Variants in NAV3 observed in about 807,000 individuals in gnomAD.
NAV3 encodes pore membrane and/or filament interacting like protein 1.
Under a neutral mutation model 244.7 loss-of-function variants are expected in NAV3, and 87 were observed. The observed-to-expected ratio is 0.36, with a 90% confidence interval of 0.30 to 0.42. NAV3 has a LOEUF of 0.42. Among genes scored for constraint, NAV3 ranks in the 20% least tolerant of loss-of-function variants. The pLI is 1.00. For synonymous variants in NAV3, 1,126 were observed against 1,042.2 expected (o/e 1.08, Z -1.55); for missense variants, 2,663 against 2,893.3 (o/e 0.92, Z 1.83).
chr12:77,834,936 A>T (rs964128928), intron 1 of NAV3, among the ~76,000 whole-genome samples: 2 of 152,252 alleles, frequency 1.3e-5, no homozygotes, highest in African/African-American at 4.8e-5. Context: ...CAAGGTAGTT[A>T]TATTAGAGAG....
rs1297188961 is a variant in NAV3 at position 77,968,568 on chromosome 12, A to G, written c.537A>G (p.Leu179=). The change falls in exon 5 of 40, where the codon TTA becomes TTG. Residue 179 remains leucine, a synonymous_variant. Coordinates refer to ENST00000397909, the MANE Select transcript of NAV3 (RefSeq NM_001024383.2). ...CCATTCTAGGGCTGTTTTTCAGTTT[A>G]TCTCGCTACAAGCAGCAACAACACC... ...LKAILGLFFS[L]SRYKQQQHHQ... 1 of 1,614,124 alleles carries G rather than the reference A, an allele frequency of 6.2e-7. No homozygotes were observed. The highest frequency in any genetic ancestry group is 1.7e-5 in the Admixed American group (1 of 60,008).
intron 2 of NAV3, among the ~76,000 whole-genome samples, chr12:77,585,051 G>A (rs900226340): frequency 3.3e-5 from 5 of 152,162 alleles, no homozygotes; most frequent in Admixed American, 2.0e-4. Context: ...GATAAACCCC[G>A]TTCTCACATG....
chr12:78,145,801 T>C (rs1167853306), intron 20 of NAV3, among the ~76,000 whole-genome samples: 2 of 152,190 alleles, frequency 1.3e-5, no homozygotes, highest in African/African-American at 4.8e-5. Context: ...ATTAAAATTA[T>C]TAATAATCAT....
intron 2 of NAV3, among the ~76,000 whole-genome samples, chr12:77,582,746 T>C (rs1340510198): frequency 6.6e-6 from 1 of 152,164 alleles, no homozygotes; most frequent in South Asian, 2.1e-4. Flanking sequence ...CACCTTGCTC[T>C]CCTGTAGTGA....
At chr12:78,146,741 A>G (rs1956879671) in intron 21 of NAV3, among the ~76,000 whole-genome samples, 1 of 152,052 alleles carries the variant, frequency 6.6e-6, no homozygotes, top group Admixed American at 6.6e-5. Flanking sequence ...CCATCTACAC[A>G]GGATAATGGT....
At chr12:78,074,110 T>G (rs963714834) in intron 12 of NAV3, among the ~76,000 whole-genome samples, 3 of 152,122 alleles carry the variant, frequency 2.0e-5, no homozygotes, top group African/African-American at 7.2e-5. Context: ...TTGTAACTGA[T>G]TTAGCAGGCC....
At chr12:77,727,034 C>A (rs957500261) in intron 2 of NAV3, among the ~76,000 whole-genome samples, 3 of 151,936 alleles carry the variant, frequency 2.0e-5, no homozygotes, top group Non-Finnish European at 4.4e-5. Context: ...CTACAGCACT[C>A]ATCATGAATG....
chr12:78,084,598 C>T (rs769574280), intron 12 of NAV3, among the ~76,000 whole-genome samples: 5 of 151,350 alleles, frequency 3.3e-5, no homozygotes, highest in South Asian at 2.1e-4. Flanking sequence ...CTCTCTCTTT[C>T]TCTCTCTCTC....
At chr12:77,659,606 C>G (rs1873327689) in intron 2 of NAV3, among the ~76,000 whole-genome samples, 1 of 152,182 alleles carries the variant, frequency 6.6e-6, no homozygotes, top group African/African-American at 2.4e-5. Context: ...CATCCCATTA[C>G]TGGGTATATA....
At chr12:77,866,130 C>A (rs11835615) in intron 1 of NAV3, among the ~76,000 whole-genome samples, 12 of 152,020 alleles carry the variant, frequency 7.9e-5, no homozygotes, top group African/African-American at 2.7e-4. Context: ...AAGCAAAAAT[C>A]CCAATCTACA....
intron 2 of NAV3, among the ~76,000 whole-genome samples, chr12:77,757,079 T>C (rs1869219333): frequency 6.6e-6 from 1 of 152,210 alleles, no homozygotes; most frequent in Non-Finnish European, 1.5e-5. Context: ...TCATGTTAAA[T>C]ATTATTCAAG....
At chr12:77,596,209 G>A (rs967830336) in intron 2 of NAV3, among the ~76,000 whole-genome samples, 1 of 152,134 alleles carries the variant, frequency 6.6e-6, no homozygotes, top group Non-Finnish European at 1.5e-5. Flanking sequence ...TGTATTCAAT[G>A]AGGATAACAA....
At chr12:77,823,743 A>C (rs775544884) in intron 2 of NAV3, among the ~76,000 whole-genome samples, 4 of 152,240 alleles carry the variant, frequency 2.6e-5, no homozygotes, top group African/African-American at 7.2e-5. Context: ...TTAAAAAGCA[A>C]TGTGACATGA....
intron 12 of NAV3, among the ~76,000 whole-genome samples, chr12:78,079,747 A>C (rs1454454099): frequency 2.0e-5 from 3 of 152,304 alleles, no homozygotes; most frequent in Admixed American, 2.0e-4. Context: ...CTGGAATAGA[A>C]CCATCTCCAA....
chr12:77,876,603 G>A (rs1344017359), intron 1 of NAV3, among the ~76,000 whole-genome samples: 2 of 152,016 alleles, frequency 1.3e-5, no homozygotes, highest in Non-Finnish European at 2.9e-5. Context: ...AGGTGCTTTT[G>A]CAATTAGTGG....
intron 2 of NAV3, among the ~76,000 whole-genome samples, chr12:77,686,868 A>G (rs1261687858): frequency 6.6e-6 from 1 of 152,050 alleles, no homozygotes; most frequent in African/African-American, 2.4e-5. Flanking sequence ...TTCTAATTAA[A>G]ATTTGTATTG....
chr12:77,940,146 G>T, intron 1 of NAV3, 173 bp from the exon 2 acceptor site: 2 of 580,106 alleles, frequency 3.4e-6, no homozygotes, highest in Non-Finnish European at 3.1e-6. Flanking sequence ...AGATAAGTTG[G>T]GGAAAGAGCT....
At chr12:78,047,148 C>T (rs767639257) in intron 9 of NAV3, among the ~76,000 whole-genome samples, 1 of 151,930 alleles carries the variant, frequency 6.6e-6, no homozygotes, top group Admixed American at 6.6e-5. Flanking sequence ...GCTTATGAAG[C>T]TTAGTTTGGC....
At chr12:78,184,648 G>T (rs554162624) in intron 30 of NAV3, among the ~76,000 whole-genome samples, 88 of 151,702 alleles carry the variant, frequency 5.8e-4, no homozygotes, top group Non-Finnish European at 1.8e-4. Flanking sequence ...TTCTATTTTT[G>T]GAGGCCATCT....
Sources: gnomAD v4.1 joint callset for allele counts (sites outside exome capture counted in the v4.1 genomes callset) on GRCh38, gnomAD v4.1.1 for gene constraint, MANE v1.5 for transcripts, NCBI Gene and HGNC (gene_info 2026-07-23, HGNC 2026-07-21) for gene names.